Variants in SMAP1 observed in about 807,000 individuals in gnomAD.
SMAP1 encodes stromal membrane-associated protein 1.
SMAP1 carries 24 observed loss-of-function variants against 58.5 expected under a neutral mutation model. The ratio of observed to expected loss-of-function variants is 0.41; its 90% CI spans 0.30 to 0.58. The LOEUF (loss-of-function observed/expected upper bound fraction) is 0.58. Ranked by LOEUF, SMAP1 falls within the 20% of genes least tolerant of loss-of-function variation. SMAP1 has a pLI of 0.29. For missense variants in SMAP1, 563 were observed against 566.3 expected, an observed-to-expected ratio of 0.99 and a Z score of 0.06; for synonymous variants, 216 against 196.6, an observed-to-expected ratio of 1.10 and a Z score of -0.82.
chr6:70,679,218 T>C (rs1766603509), intron 1 of SMAP1, among the ~76,000 whole-genome samples: 1 of 151,998 alleles, frequency 6.6e-6, no homozygotes, highest in Admixed American at 6.6e-5. Flanking sequence ...GGAGTTTTGC[T>C]ATGTTGGCCA....
At chr6:70,805,042 G>A (rs1338603477) in intron 6 of SMAP1, among the ~76,000 whole-genome samples, 1 of 151,380 alleles carries the variant, frequency 6.6e-6, no homozygotes, top group South Asian at 2.1e-4. Context: ...TTTGAATGTT[G>A]GCCTGTCTTG....
chr6:70,764,550 GCTCT>G (rs1766881756), intron 3 of SMAP1, among the ~76,000 whole-genome samples: 1 of 152,184 alleles, frequency 6.6e-6, no homozygotes, highest in African/African-American at 2.4e-5. Context: ...TTCTGCCTGT[GCTCT>G]CTAAGTGGAA....
At chr6:70,755,767 T>G (rs143082349) in intron 3 of SMAP1, among the ~76,000 whole-genome samples, 1 of 152,044 alleles carries the variant, frequency 6.6e-6, no homozygotes, top group African/African-American at 2.4e-5. Context: ...TACTAGAAAC[T>G]TGATTTGTAA....
intron 2 of SMAP1, among the ~76,000 whole-genome samples, chr6:70,744,305 C>T (rs1174262449): frequency 2.0e-5 from 3 of 152,054 alleles, no homozygotes; most frequent in Non-Finnish European, 2.9e-5. Flanking sequence ...GGTATTTCTC[C>T]TAATGCTAAC....
chr6:70,820,351 A>G (rs572646936), intron 6 of SMAP1, among the ~76,000 whole-genome samples: 9 of 152,146 alleles, frequency 5.9e-5, no homozygotes, highest in African/African-American at 2.2e-4. Flanking sequence ...AGAAAAGGAA[A>G]CTCTTTAATT....
chr6:70,807,988 A>G (rs1232633349), intron 6 of SMAP1, among the ~76,000 whole-genome samples: 1 of 151,242 alleles, frequency 6.6e-6, no homozygotes, highest in Non-Finnish European at 1.5e-5. Flanking sequence ...TATTATATAT[A>G]AGAATATATT....
At position 70,859,185 on chromosome 6, in the gene SMAP1, A is replaced by G. The variant is rs1771581853; in HGVS notation, c.1269+956A>G. ...TACCACCATTTACAAGAATATAGGT[A>G]AAACATTGGTCTCTACCCGCTGGGA... On this transcript the variant is annotated intron_variant, in intron 10 of 10. Coordinates refer to ENST00000370455, the MANE Select transcript of SMAP1 (RefSeq NM_001044305.3). The G allele has an allele frequency of 3.6e-5, 20 of 555,416 alleles. No homozygotes were observed. In the East Asian group the frequency reaches 5.9e-4, roughly 17 times the overall value. The allele number at this position is 555,416 out of a possible 1,614,324, so 34.4% of individuals were successfully genotyped here. A position where few individuals can be genotyped will look rare whatever the true frequency, so the allele number is the denominator to read the frequency against.
chr6:70,711,068 C>A (rs1288404370), intron 1 of SMAP1, among the ~76,000 whole-genome samples: 1 of 152,078 alleles, frequency 6.6e-6, no homozygotes, highest in Non-Finnish European at 1.5e-5. Context: ...GAAGGGCCTA[C>A]CTGAGGCTAT....
chr6:70,750,665 G>C (rs1314215418), intron 2 of SMAP1, among the ~76,000 whole-genome samples: 1 of 152,122 alleles, frequency 6.6e-6, no homozygotes, highest in African/African-American at 2.4e-5. Flanking sequence ...TGATGCTTTG[G>C]GCTGGTGATG....
At chr6:70,820,585 AATCC>A (rs1222293880) in intron 6 of SMAP1, among the ~76,000 whole-genome samples, 1 of 152,132 alleles carries the variant, frequency 6.6e-6, no homozygotes, top group Non-Finnish European at 1.5e-5. Context: ...AGGTGCCTGT[AATCC>A]CAGCTACTCA....
chr6:70,703,767 C>T (rs565032941), intron 1 of SMAP1, among the ~76,000 whole-genome samples: 2 of 152,138 alleles, frequency 1.3e-5, no homozygotes, highest in Admixed American at 6.5e-5. Flanking sequence ...CATCTCTCTC[C>T]TCTTGTATGC....
chr6:70,763,182 A>G (rs938385490), intron 3 of SMAP1, among the ~76,000 whole-genome samples: 6 of 128,476 alleles, frequency 4.7e-5, no homozygotes, highest in African/African-American at 1.8e-4. Flanking sequence ...TTGGCGCCAT[A>G]TTTTCCAACA....
At chr6:70,722,480 G>GT (rs1225765401) in intron 1 of SMAP1, among the ~76,000 whole-genome samples, 31 of 152,194 alleles carry the variant, frequency 2.0e-4, no homozygotes, top group Admixed American at 2.0e-3. Context: ...AGAACTATGT[G>GT]TATGTACTGT....
In SMAP1 at chr6:70,826,972, G is replaced by GA. The variant is rs1215193233; in HGVS notation, c.577-9959dup. ...AAAAAAAAAAAAAAGAAAAAGAAAA[G>GA]AAAAAAAAAACCCCACAGTTCCTGT... is the stretch of plus-strand genomic sequence containing the variant. On this transcript the variant is annotated intron_variant, in intron 6 of 10. Transcript: ENST00000370455. Among the ~76,000 whole-genome samples, 49 of 113,022 alleles carry GA rather than the reference G, an allele frequency of 4.3e-4. No individual in the cohort carries two copies. The Middle Eastern group carries it at 0.014, about 31-fold the overall frequency. 74.1% of individuals were successfully genotyped at this position (113,022 alleles called of 152,430 possible).
chr6:70,736,835 C>T (rs1765637435), intron 2 of SMAP1, among the ~76,000 whole-genome samples: 1 of 152,226 alleles, frequency 6.6e-6, no homozygotes, highest in African/African-American at 2.4e-5. Context: ...TCATCAGTGT[C>T]ACATCTCCAT....
chr6:70,749,420 C>A (rs1246243202), intron 2 of SMAP1, among the ~76,000 whole-genome samples: 1 of 152,164 alleles, frequency 6.6e-6, no homozygotes, highest in African/African-American at 2.4e-5. Context: ...TAATTTTCTT[C>A]CTCCAGATTA....
rs368859541 is a variant in SMAP1 at position 70,744,282 on chromosome 6, G to A, written c.253-10698G>A. Among the ~76,000 whole-genome samples, 27 of 151,774 alleles carry A rather than the reference G, an allele frequency of 1.8e-4. No homozygotes were observed. The South Asian group carries it at 2.1e-3, about 12-fold the overall frequency. The stretch of plus-strand genomic sequence containing the variant: ...TTGGTTTGCTGCAACCCATCAACTC[G>A]TAATTTACATTAGGTATTTCTCCTA... On this transcript the variant is annotated intron_variant, in intron 2 of 10. Transcript: ENST00000370455.
intron 7 of SMAP1, among the ~76,000 whole-genome samples, chr6:70,851,054 C>T (rs1031100413): frequency 1.3e-5 from 2 of 151,590 alleles, no homozygotes; most frequent in Admixed American, 6.6e-5. Context: ...TTTAATTGTC[C>T]ATAGTACTTG....
chr6:70,773,197 T>G (rs548755986), intron 3 of SMAP1, 153 bp from the exon 4 acceptor site: 2 of 540,186 alleles, frequency 3.7e-6, no homozygotes, highest in East Asian at 7.1e-5. Context: ...AAAAGTAGTT[T>G]ACAGAATGTA....
Sources: allele counts gnomAD v4.1 joint callset (sites outside exome capture counted in the v4.1 genomes callset), GRCh38; gene constraint gnomAD v4.1.1; transcripts MANE v1.5; gene names NCBI Gene and HGNC (gene_info 2026-07-23, HGNC 2026-07-21).